CHST9: variants seen among roughly 807,000 people sequenced by gnomAD.
CHST9 encodes carbohydrate sulfotransferase 9.
CHST9 carries 41 observed loss-of-function variants against 44.4 expected under a neutral mutation model. The ratio of observed to expected loss-of-function variants is 0.92; its 90% CI spans 0.72 to 1.20. CHST9 has a LOEUF of 1.20. Ranked by LOEUF, CHST9 falls within the 50% of genes most tolerant of loss-of-function variation. The pLI, the probability that CHST9 is intolerant of heterozygous loss-of-function variation, is 0.00. For synonymous variants in CHST9, 171 were observed against 178.4 expected (o/e 0.96, Z 0.33); for missense variants, 504 against 516.5 (o/e 0.98, Z 0.23).
At chr18:27,004,560 A>G (rs1290570240) in intron 4 of CHST9, among the ~76,000 whole-genome samples, 1 of 152,144 alleles carries the variant, frequency 6.6e-6, no homozygotes, top group Non-Finnish European at 1.5e-5. Context: ...TCTCTTGGAA[A>G]GACATATGCT....
chr18:27,180,085 C>T (rs2058900110), intron 1 of CHST9, among the ~76,000 whole-genome samples: 3 of 152,112 alleles, frequency 2.0e-5, no homozygotes, highest in Admixed American at 2.0e-4. Context: ...TTTCCCTATA[C>T]CATTAACTTT....
chr18:27,107,096 T>C lies in CHST9; in HGVS notation c.121+35593A>G, dbSNP rs145044143. Among the ~76,000 whole-genome samples the C allele has an allele frequency of 3.2e-4, 48 of 151,912 alleles. No homozygotes were observed. In the East Asian group the frequency reaches 8.9e-3, roughly 28 times the overall value. On this transcript the variant is annotated intron_variant, in intron 2 of 5. Transcript: ENST00000618847. ...AAGTGTGAAAAATGGCCAGAGAAGG[T>C]GAGGGCCCTGGGGGAATGGAGTATA...
At chr18:27,122,080 A>G (rs2058379331) in intron 2 of CHST9, among the ~76,000 whole-genome samples, 1 of 152,206 alleles carries the variant, frequency 6.6e-6, no homozygotes, top group African/African-American at 2.4e-5. Context: ...AGGAGTATGG[A>G]TAAGAGATGG....
At chr18:27,020,720 A>G (rs2057215207) in intron 4 of CHST9, among the ~76,000 whole-genome samples, 1 of 152,224 alleles carries the variant, frequency 6.6e-6, no homozygotes, top group African/African-American at 2.4e-5. Context: ...CATGCAAGAT[A>G]TAGCCTATAT....
At chr18:27,166,738 C>T (rs1445580325) in intron 1 of CHST9, among the ~76,000 whole-genome samples, 1 of 152,184 alleles carries the variant, frequency 6.6e-6, no homozygotes, top group Non-Finnish European at 1.5e-5. Flanking sequence ...AATTTTCCCT[C>T]TACTGTTTTA....
chr18:27,056,073 A>G (rs1161920023), intron 2 of CHST9, among the ~76,000 whole-genome samples: 2 of 152,164 alleles, frequency 1.3e-5, no homozygotes, highest in African/African-American at 2.4e-5. Flanking sequence ...CTAGCTTTTT[A>G]TTAGTCAATT....
rs1284241086 is a variant in CHST9, at chr18:26,909,527, T to C, written c.*6732A>G. 6.6e-6 allele frequency: 1 copy of C among 152,190 alleles called. No individual in the cohort carries two copies. Among genetic ancestry groups the C allele is most frequent in the African/African-American group, 2.4e-5 (1 of 41,452 alleles). 9.4% of individuals were successfully genotyped at this position (152,190 alleles called of 1,614,324 possible). ...TATTTTTTCCTAAGGATAATCACAG[T>C]CAAACAAATAATATTGTTCTTTTAA... On this transcript the variant is annotated 3_prime_UTR_variant, in exon 6 of 6. Transcript: ENST00000618847.
At chr18:27,162,797 C>T (rs2058758265) in intron 1 of CHST9, among the ~76,000 whole-genome samples, 1 of 152,172 alleles carries the variant, frequency 6.6e-6, no homozygotes, top group Admixed American at 6.5e-5. Flanking sequence ...CGTCTGAAGC[C>T]TTCTTCTCTC....
At chr18:27,090,371 A>G (rs2058056327) in intron 2 of CHST9, among the ~76,000 whole-genome samples, 1 of 152,132 alleles carries the variant, frequency 6.6e-6, no homozygotes, top group Non-Finnish European at 1.5e-5. Context: ...GGTAGATTGC[A>G]GAAATTTTCT....
At chr18:27,044,535 T>C (rs1017721749) in intron 3 of CHST9, among the ~76,000 whole-genome samples, 2 of 151,932 alleles carry the variant, frequency 1.3e-5, no homozygotes, top group Admixed American at 1.3e-4. Context: ...ATGTCCAAAA[T>C]AATGGGCTTT....
intron 2 of CHST9, among the ~76,000 whole-genome samples, chr18:27,095,627 A>C (rs2058109272): frequency 6.6e-6 from 1 of 152,202 alleles, no homozygotes; most frequent in Non-Finnish European, 1.5e-5. Context: ...CAAAAAGAGC[A>C]GAGATTGCTA....
At chr18:27,060,471 G>C (rs2057708509) in intron 2 of CHST9, among the ~76,000 whole-genome samples, 1 of 152,162 alleles carries the variant, frequency 6.6e-6, no homozygotes, top group African/African-American at 2.4e-5. Context: ...CGGGAAGTAG[G>C]GTACTCCAGG....
chr18:26,997,427 T>C (rs2056899314), intron 4 of CHST9, among the ~76,000 whole-genome samples: 1 of 152,218 alleles, frequency 6.6e-6, no homozygotes, highest in Admixed American at 6.5e-5. Context: ...TTACTTCTTC[T>C]TACATAATCT....
chr18:26,958,729 G>A (rs1030758796), intron 4 of CHST9, among the ~76,000 whole-genome samples: 10 of 152,112 alleles, frequency 6.6e-5, no homozygotes, highest in South Asian at 2.1e-4. Context: ...AATGCTCAAC[G>A]TTACTAATTA....
At chr18:27,009,926 G>A (rs1371720138) in intron 4 of CHST9, among the ~76,000 whole-genome samples, 1 of 152,120 alleles carries the variant, frequency 6.6e-6, no homozygotes, top group African/African-American at 2.4e-5. Context: ...GAGCCTTGGA[G>A]GTAAAACCAG....
rs1248697866 is a variant in CHST9 at position 26,926,610 on chromosome 18, T to C, written c.241-9260A>G. ...TACAGATAAATAAATCAAGACAGAC[T>C]TGTGTAATAACTTGCACAAGGTCAC... On this transcript the variant is annotated intron_variant, in intron 5 of 5. Transcript: ENST00000618847. Among the ~76,000 whole-genome samples the C allele has an allele frequency of 3.3e-5, 5 of 152,344 alleles. No homozygotes were observed. The East Asian group carries it at 9.6e-4, about 29-fold the overall frequency.
intron 1 of CHST9, among the ~76,000 whole-genome samples, chr18:27,181,201 T>C (rs1053925039): frequency 3.9e-5 from 6 of 152,178 alleles, no homozygotes; most frequent in Non-Finnish European, 7.4e-5. Flanking sequence ...ATTCTAACAG[T>C]CCACAGAACT....
rs2055517133 is a variant in CHST9 at position 26,916,215 on chromosome 18, TATC to T, written c.*41_*43del. On this transcript the variant is annotated 3_prime_UTR_variant, in exon 6 of 6. Transcript: ENST00000618847. ...AGAAAAATTACAGCTGATTTGAACT[TATC>T]ATCATTAAGTATATACAGGGTTTTA... The T allele has an allele frequency of 2.2e-6, 3 of 1,357,380 alleles. No individual in the cohort carries two copies. Among genetic ancestry groups the T allele is most frequent in the Non-Finnish European group, 3.0e-6 (3 of 988,382 alleles). 84.1% of individuals were successfully genotyped at this position (1,357,380 alleles called of 1,614,324 possible).
At chr18:26,984,347 T>C (rs2056728551) in intron 4 of CHST9, among the ~76,000 whole-genome samples, 1 of 152,156 alleles carries the variant, frequency 6.6e-6, no homozygotes, top group South Asian at 2.1e-4. Flanking sequence ...TGACTCCCAC[T>C]TCACAAACAA....
Sources: allele counts gnomAD v4.1 joint callset (sites outside exome capture counted in the v4.1 genomes callset), GRCh38; gene constraint gnomAD v4.1.1; transcripts MANE v1.5; gene names NCBI Gene and HGNC (gene_info 2026-07-23, HGNC 2026-07-21).